Variants in CDH18 observed in about 807,000 individuals in gnomAD.
CDH18 encodes the protein cadherin 18.
CDH18 carries 31 observed loss-of-function variants against 67.9 expected under a neutral mutation model. The observed-to-expected ratio is 0.46, with a 90% confidence interval of 0.34 to 0.62. CDH18 has a LOEUF of 0.62. Among genes scored for constraint, CDH18 ranks in the 20% least tolerant of loss-of-function variants. The probability of loss-of-function intolerance (pLI) is 0.01; values close to 1 mark genes in which losing one functional copy is unlikely to be tolerated. For missense variants in CDH18, 890 were observed against 975.5 expected (o/e 0.91, Z 1.17); for synonymous variants, 362 against 347.2 (o/e 1.04, Z -0.48).
chr5:19,726,356 A>G (rs1766841659), intron 4 of CDH18, among the ~76,000 whole-genome samples: 1 of 152,198 alleles, frequency 6.6e-6, no homozygotes, highest in Admixed American at 6.5e-5. Context: ...CTGCACAGGA[A>G]GTCTCACACA....
intron 2 of CDH18, among the ~76,000 whole-genome samples, chr5:19,941,213 T>C (rs1332676328): frequency 6.6e-6 from 1 of 152,030 alleles, no homozygotes; most frequent in Non-Finnish European, 1.5e-5. Flanking sequence ...GTGAGAAGTC[T>C]ATAATCCAGG....
chr5:19,585,702 T>G (rs1744035577), intron 7 of CDH18, among the ~76,000 whole-genome samples: 1 of 152,146 alleles, frequency 6.6e-6, no homozygotes, highest in Non-Finnish European at 1.5e-5. Context: ...ATTAAAACAT[T>G]TATTTCATTG....
chr5:20,102,025 C>T (rs762799474), intron 2 of CDH18, among the ~76,000 whole-genome samples: 1 of 152,016 alleles, frequency 6.6e-6, no homozygotes, highest in Admixed American at 6.6e-5. Context: ...GAGCTGAGAT[C>T]GCGCCACTGT....
intron 10 of CDH18, among the ~76,000 whole-genome samples, chr5:19,512,656 T>C (rs1011299607): frequency 6.6e-6 from 1 of 152,168 alleles, no homozygotes; most frequent in African/African-American, 2.4e-5. Flanking sequence ...CATTCAAAAA[T>C]TCTACCTGCG....
chr5:19,865,498 G>T (rs1785387078), intron 2 of CDH18, among the ~76,000 whole-genome samples: 1 of 152,082 alleles, frequency 6.6e-6, no homozygotes, highest in South Asian at 2.1e-4. Context: ...GCTGTGACAG[G>T]TGGGGGCGGT....
chr5:19,843,407 C>T (rs925914532), intron 2 of CDH18, among the ~76,000 whole-genome samples: 1 of 152,320 alleles, frequency 6.6e-6, no homozygotes, highest in African/African-American at 2.4e-5. Context: ...TGGTGTTGGG[C>T]TTGCGGGTGC....
At chr5:20,009,286 T>C (rs1737195007) in intron 2 of CDH18, among the ~76,000 whole-genome samples, 1 of 152,106 alleles carries the variant, frequency 6.6e-6, no homozygotes, top group African/African-American at 2.4e-5. Context: ...GGTCTACATC[T>C]CATGTATCAT....
At chr5:19,948,323 T>C (rs1795465072) in intron 2 of CDH18, among the ~76,000 whole-genome samples, 2 of 152,174 alleles carry the variant, frequency 1.3e-5, no homozygotes, top group Admixed American at 1.3e-4. Context: ...CAAATGTTTA[T>C]AATAAGTCAA....
chr5:19,573,127 C>A (rs2149945264), intron 7 of CDH18, among the ~76,000 whole-genome samples: 1 of 152,196 alleles, frequency 6.6e-6, no homozygotes, highest in South Asian at 2.1e-4. Flanking sequence ...AGAAGTTGAT[C>A]ATATATACAA....
chr5:20,149,918 C>T (rs938041545), intron 2 of CDH18, among the ~76,000 whole-genome samples: 1 of 151,934 alleles, frequency 6.6e-6, no homozygotes, highest in African/African-American at 2.4e-5. Flanking sequence ...AGTTACATTC[C>T]TAAATTGATT....
At chr5:20,359,092 T>C (rs1440389265) in intron 1 of CDH18, among the ~76,000 whole-genome samples, 2 of 151,922 alleles carry the variant, frequency 1.3e-5, no homozygotes, top group African/African-American at 4.8e-5. Context: ...CCACCATGCC[T>C]AGCTAATTTT....
chr5:19,931,198 A>T (rs879297261), intron 2 of CDH18, among the ~76,000 whole-genome samples: 1 of 151,988 alleles, frequency 6.6e-6, no homozygotes, highest in African/African-American at 2.4e-5. Context: ...TAATAAAATT[A>T]TTCCTTTTAG....
intron 8 of CDH18, among the ~76,000 whole-genome samples, chr5:19,569,128 C>T (rs141763510): frequency 8.7e-4 from 133 of 152,308 alleles, no homozygotes; most frequent in Non-Finnish European, 1.5e-3. Context: ...TCTCATTTCT[C>T]TCCCTATTGG....
chr5:19,900,266 G>A (rs1789803169), intron 2 of CDH18, among the ~76,000 whole-genome samples: 1 of 152,092 alleles, frequency 6.6e-6, no homozygotes, highest in South Asian at 2.1e-4. Flanking sequence ...GGAGGGAAGT[G>A]ATTTGTCAGT....
rs375099431 is a variant in CDH18 at position 19,998,493 on chromosome 5, T to A, written c.-517-6479A>T. ...AATTGATTTGAGGTCACATTGACTT[T>A]GATAGGACCATTAGATATCAACAAA... On this transcript the variant is annotated intron_variant, in intron 2 of 14. Coordinates refer to the CDH18 transcript ENST00000507958. 6.1e-4 allele frequency among the ~76,000 whole-genome samples: 93 copies of A among 152,298 alleles called. No homozygotes were observed. The South Asian group carries it at 0.017, about 27-fold the overall frequency.
Position 19,855,272 on chromosome 5 carries a change from T to TCA in CDH18, c.-256-16032_-256-16031dup, listed in dbSNP as rs149417060. ...GAATCACCTTTCGGGTACCAATGAT[T>TCA]CACAGACTTTCAGAGCTGGGAAAGA... is the stretch of plus-strand genomic sequence containing the variant. On this transcript the variant is annotated intron_variant, in intron 2 of 12. Transcript: ENST00000382275. Among the ~76,000 whole-genome samples the TCA allele has an allele frequency of 5.9e-3, 897 of 152,256 alleles. 13 individuals are homozygous for TCA. The highest frequency in any genetic ancestry group is 0.021 in the African/African-American group (855 of 41,566).
intron 1 of CDH18, among the ~76,000 whole-genome samples, chr5:20,553,331 AT>A (rs1414746995): frequency 6.6e-6 from 1 of 152,048 alleles, no homozygotes; most frequent in African/African-American, 2.4e-5. Flanking sequence ...TGTTGGTTAT[AT>A]TGGCCTGACT....
At chr5:19,682,490 C>G (rs2150388793) in intron 5 of CDH18, among the ~76,000 whole-genome samples, 1 of 152,100 alleles carries the variant, frequency 6.6e-6, no homozygotes, top group African/African-American at 2.4e-5. Context: ...GTACCCCATC[C>G]TTTTCCCATT....
At chr5:20,454,429 A>C (rs1417653291) in intron 1 of CDH18, among the ~76,000 whole-genome samples, 2 of 152,256 alleles carry the variant, frequency 1.3e-5, no homozygotes, top group East Asian at 3.9e-4. Context: ...AATACAGGTT[A>C]AAATTGCTGT....
Sources: allele counts gnomAD v4.1 joint callset (sites outside exome capture counted in the v4.1 genomes callset), GRCh38; gene constraint gnomAD v4.1.1; transcripts MANE v1.5; gene names NCBI Gene and HGNC (gene_info 2026-07-23, HGNC 2026-07-21).